Variants in THEMIS observed in about 807,000 individuals in gnomAD.
THEMIS encodes thymocyte selection associated, also known as protein THEMIS.
Under a neutral mutation model 52.6 loss-of-function variants are expected in THEMIS, and 37 were observed. The ratio of observed to expected loss-of-function variants is 0.70; its 90% CI spans 0.54 to 0.93. THEMIS has a LOEUF of 0.93. THEMIS is among the 40% of genes least tolerant of loss of function. The pLI, the probability that THEMIS is intolerant of heterozygous loss-of-function variation, is 0.00. For synonymous variants in THEMIS, 292 were observed against 272.7 expected, an observed-to-expected ratio of 1.07 and a Z score of -0.70; for missense variants, 808 against 763.1, an observed-to-expected ratio of 1.06 and a Z score of -0.69.
intron 1 of THEMIS, among the ~76,000 whole-genome samples, chr6:127,873,113 T>C (rs986780129): frequency 2.6e-5 from 4 of 152,144 alleles, no homozygotes; most frequent in African/African-American, 9.7e-5. Flanking sequence ...TGCTGAAAAC[T>C]AAAAGATGTT....
intron 4 of THEMIS, among the ~76,000 whole-genome samples, chr6:127,794,722 A>T (rs1777270170): frequency 6.6e-6 from 1 of 152,188 alleles, no homozygotes; most frequent in African/African-American, 2.4e-5. Flanking sequence ...TACAAATGTC[A>T]TCTTCTCAGT....
At chr6:127,792,827 CACAG>C (rs1271515823) in intron 4 of THEMIS, among the ~76,000 whole-genome samples, 1 of 152,154 alleles carries the variant, frequency 6.6e-6, no homozygotes, top group Non-Finnish European at 1.5e-5. Context: ...CCTGTAGCTG[CACAG>C]ACAATGAGAA....
intron 4 of THEMIS, among the ~76,000 whole-genome samples, chr6:127,784,970 T>C (rs1460961071): frequency 7.6e-6 from 1 of 131,830 alleles, no homozygotes; most frequent in East Asian, 2.0e-4. Flanking sequence ...TATCTATCTA[T>C]CTATCTATCT....
chr6:127,724,657 C>G (rs1385256431), intron 4 of THEMIS, among the ~76,000 whole-genome samples: 3 of 152,058 alleles, frequency 2.0e-5, no homozygotes, highest in Non-Finnish European at 4.4e-5. Context: ...TGAATCATTA[C>G]AATCCTGTCT....
intron 4 of THEMIS, among the ~76,000 whole-genome samples, chr6:127,785,009 TC>T (rs1256358768): frequency 3.7e-4 from 49 of 131,978 alleles, no homozygotes; most frequent in Admixed American, 6.6e-4. Flanking sequence ...CTATCTATTA[TC>T]TATCTATCTA....
intron 4 of THEMIS, among the ~76,000 whole-genome samples, chr6:127,745,209 T>C (rs1022425782): frequency 3.3e-5 from 5 of 151,842 alleles, no homozygotes; most frequent in African/African-American, 1.2e-4. Flanking sequence ...TGAAAATGTG[T>C]TTCAAGGACT....
At chr6:127,896,886 A>G (rs1780984032) in intron 1 of THEMIS, among the ~76,000 whole-genome samples, 1 of 151,510 alleles carries the variant, frequency 6.6e-6, no homozygotes, top group South Asian at 2.1e-4. Flanking sequence ...GCATATTATT[A>G]AATATAATCT....
chr6:127,798,676 A>G (rs1000460417), intron 4 of THEMIS, among the ~76,000 whole-genome samples: 15 of 152,336 alleles, frequency 9.8e-5, no homozygotes, highest in Non-Finnish European at 1.5e-4. Context: ...TTGTTTAAAA[A>G]AGTAACAAAA....
intron 4 of THEMIS, among the ~76,000 whole-genome samples, chr6:127,801,239 G>T (rs1777522724): frequency 6.6e-6 from 1 of 152,142 alleles, no homozygotes; most frequent in Non-Finnish European, 1.5e-5. Flanking sequence ...ATATAATGAA[G>T]CTCCTTGGTT....
chr6:127,711,199 A>C (rs1052395422), intron 5 of THEMIS, among the ~76,000 whole-genome samples: 1 of 151,382 alleles, frequency 6.6e-6, no homozygotes, highest in African/African-American at 2.4e-5. Context: ...TTTTTAAAGG[A>C]GAAGGAGGAG....
chr6:127,756,272 G>A (rs1309119522), intron 4 of THEMIS, among the ~76,000 whole-genome samples: 1 of 151,986 alleles, frequency 6.6e-6, no homozygotes, highest in African/African-American at 2.4e-5. Flanking sequence ...ATAAAATCAT[G>A]GGCCAATTTT....
intron 1 of THEMIS, among the ~76,000 whole-genome samples, chr6:127,869,663 A>G (rs980547144): frequency 3.2e-4 from 48 of 152,230 alleles, no homozygotes; most frequent in African/African-American, 1.1e-3. Flanking sequence ...GTAGACATAC[A>G]TTTTCCTACC....
At chr6:127,872,381 G>A (rs1484399749) in intron 1 of THEMIS, among the ~76,000 whole-genome samples, 1 of 152,000 alleles carries the variant, frequency 6.6e-6, no homozygotes, top group African/African-American at 2.4e-5. Flanking sequence ...AGACCAGCCT[G>A]GCCAATATGG....
At chr6:127,854,901 T>C in intron 2 of THEMIS, 129 bp downstream of exon 2, 2 of 722,262 alleles carry the variant, frequency 2.8e-6, no homozygotes, top group East Asian at 3.3e-5. Flanking sequence ...ACTATAACAA[T>C]TCCGGATTTT....
intron 4 of THEMIS, among the ~76,000 whole-genome samples, chr6:127,786,604 C>T (rs535803671): frequency 1.3e-5 from 2 of 152,194 alleles, no homozygotes; most frequent in East Asian, 1.9e-4. Context: ...TTCTCTAGGG[C>T]ATGTTACTAT....
At chr6:127,837,703 C>G (rs1408439644) in intron 2 of THEMIS, among the ~76,000 whole-genome samples, 1 of 151,894 alleles carries the variant, frequency 6.6e-6, no homozygotes, top group Non-Finnish European at 1.5e-5. Context: ...TCTCACTGGA[C>G]TGAAACAGCT....
At chr6:127,831,101 C>T (rs1317414020) in intron 2 of THEMIS, among the ~76,000 whole-genome samples, 1 of 152,136 alleles carries the variant, frequency 6.6e-6, no homozygotes, top group Admixed American at 6.5e-5. Flanking sequence ...TCTCTCATTA[C>T]TTCTCTAATT....
intron 3 of THEMIS, among the ~76,000 whole-genome samples, chr6:127,827,657 A>G (rs889557592): frequency 6.6e-6 from 1 of 152,168 alleles, no homozygotes; most frequent in Non-Finnish European, 1.5e-5. Context: ...GAGGCTGGGA[A>G]CAAGTTTGGC....
chr6:127,813,214 G>T lies in THEMIS; in HGVS notation c.1427C>A (p.Thr476Lys). 6 of 1,614,108 alleles carry T rather than the reference G, an allele frequency of 3.7e-6. No individual in the cohort carries two copies. The change falls in exon 4 of 6, where the codon ACA becomes AAA. Residue 476 changes from threonine (T) to lysine (K), a missense_variant. Transcript: ENST00000368248. The stretch of plus-strand genomic sequence containing the variant: ...GTCCTCCTCCAACTGCAGTCCTGGT[G>T]TGGCAGCCAACACGTCCTCTTCAAT... ...LSIEEDVLAATPGLQLEEDIT... is the reference protein window; with the variant it reads ...LSIEEDVLAAKPGLQLEEDIT...
Sources: gnomAD v4.1 joint callset for allele counts (sites outside exome capture counted in the v4.1 genomes callset) on GRCh38, gnomAD v4.1.1 for gene constraint, MANE v1.5 for transcripts, NCBI Gene and HGNC (gene_info 2026-07-23, HGNC 2026-07-21) for gene names.